EPCIP: variants seen among roughly 807,000 people sequenced by gnomAD.
The protein encoded by EPCIP is exosomal polycystin 1 interacting protein.
chr21:32,798,839 C>T, the EPCIP span: 1 of 152,034 alleles, frequency 6.6e-6, no homozygotes, highest in South Asian at 2.1e-4. Context: ...TGGCATGTGC[C>T]TTTAATCCCA....
the EPCIP span, chr21:32,794,516 C>A: frequency 1.2e-5 from 14 of 1,185,750 alleles, no homozygotes; most frequent in East Asian, 5.0e-5. Context: ...TTATCACAAC[C>A]TTTCATTTGA....
chr21:32,796,962 C>A, the EPCIP span: 2 of 470,480 alleles, frequency 4.3e-6, no homozygotes, highest in African/African-American at 4.0e-5. Flanking sequence ...TAGAGGCAGC[C>A]GTGGAAGAGG....
At chr21:32,796,034 C>CTCCTTCCT in the EPCIP span, among the ~76,000 whole-genome samples, 16 of 148,574 alleles carry the variant, frequency 1.1e-4, no homozygotes, top group African/African-American at 3.2e-4. Flanking sequence ...CCTTCCTTCC[C>CTCCTTCCT]TCCTTCCTTC....
At chr21:32,800,480 C>A in the EPCIP span, among the ~76,000 whole-genome samples, 1 of 152,186 alleles carries the variant, frequency 6.6e-6, no homozygotes, top group African/African-American at 2.4e-5. Flanking sequence ...GATTTAAAGG[C>A]TCAAATATTT....
the EPCIP span, chr21:32,813,577 A>G: frequency 2.1e-6 from 1 of 470,960 alleles, no homozygotes; most frequent in Admixed American, 2.3e-5. Context: ...AAAGAAGAAC[A>G]CAGAAATTAC....
At chr21:32,791,361 G>A in the EPCIP span, 1 of 152,070 alleles carries the variant, frequency 6.6e-6, no homozygotes, top group Non-Finnish European at 1.5e-5. Context: ...ATATTTATAG[G>A]AGGCATATAC....
chr21:32,809,845 C>G, the EPCIP span, among the ~76,000 whole-genome samples: 1 of 151,808 alleles, frequency 6.6e-6, no homozygotes, highest in South Asian at 2.1e-4. Context: ...GGTGACAGTT[C>G]TTGTTTGACT....
chr21:32,803,016 A>C, the EPCIP span, among the ~76,000 whole-genome samples: 1,029 of 152,276 alleles, frequency 6.8e-3, 8 homozygotes, highest in Middle Eastern at 0.031. Context: ...TCATTTTCTC[A>C]GAGTTAGGAG....
chr21:32,806,070 C>T, the EPCIP span, among the ~76,000 whole-genome samples: 1 of 152,048 alleles, frequency 6.6e-6, no homozygotes, highest in Non-Finnish European at 1.5e-5. Context: ...GTCTTTCCAG[C>T]CCAAACGTAT....
chr21:32,797,059 C>G, the EPCIP span: 3 of 468,446 alleles, frequency 6.4e-6, no homozygotes, highest in Admixed American at 4.7e-5. Context: ...AACTTCCCGA[C>G]AGTAAGGCCC....
chr21:32,806,337 CAA>C, the EPCIP span, among the ~76,000 whole-genome samples: 1 of 152,196 alleles, frequency 6.6e-6, no homozygotes, highest in South Asian at 2.1e-4. Flanking sequence ...CTCTGGTCAT[CAA>C]GCAACAGGGA....
chr21:32,797,207 A>G, the EPCIP span: 1 of 270,974 alleles, frequency 3.7e-6, no homozygotes, highest in Non-Finnish European at 7.6e-6. Context: ...CCATTTATGG[A>G]GGCTGCCACA....
At chr21:32,809,796 CT>C in the EPCIP span, among the ~76,000 whole-genome samples, 1 of 151,998 alleles carries the variant, frequency 6.6e-6, no homozygotes, top group Non-Finnish European at 1.5e-5. Flanking sequence ...GTCTTCAAAT[CT>C]CTCCTCTTTC....
the EPCIP span, chr21:32,794,042 A>G: frequency 1.2e-6 from 2 of 1,614,142 alleles, no homozygotes; most frequent in Non-Finnish European, 1.7e-6. Context: ...CTCCATGTTG[A>G]TGCGCAGCCT....
the EPCIP span, among the ~76,000 whole-genome samples, chr21:32,808,750 C>A: frequency 6.6e-6 from 1 of 152,156 alleles, no homozygotes; most frequent in African/African-American, 2.4e-5. Flanking sequence ...AATACTGGTT[C>A]ATTAATTGTG....
the EPCIP span, among the ~76,000 whole-genome samples, chr21:32,812,641 A>G: frequency 2.0e-5 from 3 of 152,136 alleles, no homozygotes; most frequent in African/African-American, 7.2e-5. Flanking sequence ...AAAGCAAAAA[A>G]CTTCTCAAGG....
chr21:32,801,488 C>T, the EPCIP span, among the ~76,000 whole-genome samples: 2 of 152,160 alleles, frequency 1.3e-5, no homozygotes, highest in Non-Finnish European at 2.9e-5. Context: ...TTGGAATGTA[C>T]TCTGGGAACA....
the EPCIP span, among the ~76,000 whole-genome samples, chr21:32,801,778 G>A: frequency 6.6e-6 from 1 of 152,116 alleles, no homozygotes; most frequent in African/African-American, 2.4e-5. Flanking sequence ...GGGAGGCGGA[G>A]GTTGCAGTGA....
the EPCIP span, among the ~76,000 whole-genome samples, chr21:32,809,021 C>A: frequency 1.4e-4 from 22 of 152,008 alleles, no homozygotes; most frequent in Non-Finnish European, 2.8e-4. Flanking sequence ...ATTCTTCAGA[C>A]CTCCTGGCCA....
Sources: allele counts gnomAD v4.1 joint callset (sites outside exome capture counted in the v4.1 genomes callset), GRCh38; gene constraint gnomAD v4.1.1; transcripts MANE v1.5; gene names NCBI Gene and HGNC (gene_info 2026-07-23, HGNC 2026-07-21).